The following HABP4 variants were observed in gnomAD, a reference collection of about 807,000 sequenced individuals.
The protein encoded by HABP4 is hyaluronan binding protein 4.
In HABP4, 32 loss-of-function variants were observed where a neutral mutation model predicts 44.1. The ratio of observed to expected loss-of-function variants is 0.73; its 90% CI spans 0.55 to 0.97. The LOEUF (loss-of-function observed/expected upper bound fraction) is 0.97, where lower values mean the gene tolerates loss of function less well. HABP4 is among the 50% of genes least tolerant of loss of function. The pLI is 0.00. For missense variants in HABP4, 503 were observed against 561.9 expected (o/e 0.90, Z 1.06); for synonymous variants, 216 against 218.0 (o/e 0.99, Z 0.08).
At chr9:96,453,799 A>G (rs1832327939) in intron 1 of HABP4, among the ~76,000 whole-genome samples, 1 of 152,238 alleles carries the variant, frequency 6.6e-6, no homozygotes, top group African/African-American at 2.4e-5. Context: ...CAGTGCTTGC[A>G]TTCTCCACTT....
chr9:96,455,312 C>T (rs1222970437), intron 1 of HABP4, among the ~76,000 whole-genome samples: 3 of 149,308 alleles, frequency 2.0e-5, no homozygotes, highest in African/African-American at 7.4e-5. Context: ...ATTACCTGAG[C>T]GTGGTGGCAC....
Position 96,488,197 on chromosome 9 carries a change from G to A in HABP4, c.1108G>A (p.Gly370Arg). 1.2e-6 allele frequency: 2 copies of A among 1,613,586 alleles called. No homozygotes were observed. The highest frequency in any genetic ancestry group is 1.7e-6 in the Non-Finnish European group (2 of 1,179,468). ...NFGNLPRPGR[G>R]ARGGTRGGRG... is the part of the protein sequence containing the mutation. ...TGGTAACCTCCCTCGTCCTGGGCGT[G>A]GAGCCAGAGGAGGCACCCGGGGAGG... The change falls in exon 7 of 8, where the codon GGA becomes AGA. Residue 370 changes from glycine (G) to arginine (R), a missense_variant. This residue lies in a region of HABP4 where 82 missense variants were observed against 71.6 expected (regional missense o/e 1.15). Coordinates refer to ENST00000375249, the MANE Select transcript of HABP4 (RefSeq NM_014282.4). The surrounding 1 kb of genome is among the most constrained non-coding windows in gnomAD (Gnocchi z 4.6).
intron 1 of HABP4, among the ~76,000 whole-genome samples, chr9:96,452,935 T>TA (rs1832311901): frequency 2.0e-5 from 3 of 147,888 alleles, no homozygotes; most frequent in Non-Finnish European, 3.0e-5. Context: ...TTTTTTTTTT[T>TA]TTTGAGACAG....
intron 5 of HABP4, among the ~76,000 whole-genome samples, chr9:96,475,390 C>CAAAAAAAAAAAA (rs61553823): frequency 2.0e-3 from 183 of 93,814 alleles, no homozygotes; most frequent in African/African-American, 3.5e-3. Flanking sequence ...ACAACAACAA[C>CAAAAAAAAAAAA]AAAAAAAAAA....
In HABP4 at chr9:96,450,191, C is replaced by A. The variant is rs952562156; in HGVS notation, c.-89C>A. ...GGTAGGGCCCGGAGGGCGGTGGCGG[C>A]GGAGCGGGCGGCATGGGTCCTGGCC... On this transcript the variant is annotated 5_prime_UTR_variant, in exon 1 of 8. Transcript: ENST00000375249. This position sits in a 1 kb window ranked among gnomAD's most constrained non-coding sequence, Gnocchi z 4.8. 7 of 1,197,336 alleles carry A rather than the reference C, an allele frequency of 5.8e-6. No individual in the cohort carries two copies. In the Admixed American group the frequency reaches 2.7e-4, roughly 47 times the overall value. The allele number at this position is 1,197,336 out of a possible 1,614,324, so 74.2% of individuals were successfully genotyped here. A position where few individuals can be genotyped will look rare whatever the true frequency, so the allele number is the denominator to read the frequency against.
chr9:96,490,156 TA>T lies in HABP4; in HGVS notation c.*121del. 2.8e-6 allele frequency: 2 copies of T among 723,540 alleles called. No individual in the cohort carries two copies. Among genetic ancestry groups the T allele is most frequent in the Admixed American group, 2.1e-5 (1 of 48,714 alleles). 44.8% of individuals were successfully genotyped at this position (723,540 alleles called of 1,614,324 possible). A position where few individuals can be genotyped will look rare whatever the true frequency, so the allele number is the denominator to read the frequency against. On this transcript the variant is annotated 3_prime_UTR_variant, in exon 8 of 8. Transcript: ENST00000375249. ...TAGATGTTGCTTTTCCCGTGTCATGTAAATTTGTTGCACTTTTTTGGGCTGA... is the reference window on the plus strand; with the variant it reads ...TAGATGTTGCTTTTCCCGTGTCATGTAATTTGTTGCACTTTTTTGGGCTGA...
At chr9:96,455,591 C>T (rs1448115783) in intron 1 of HABP4, among the ~76,000 whole-genome samples, 2 of 151,688 alleles carry the variant, frequency 1.3e-5, no homozygotes, top group African/African-American at 4.8e-5. Flanking sequence ...TGGTGAACCC[C>T]CATCTCTATT....
Position 96,486,783 on chromosome 9 carries a change from G to A in HABP4, c.1000-1306G>A, listed in dbSNP as rs1019273713. On this transcript the variant is annotated intron_variant, in intron 6 of 7. Coordinates refer to ENST00000375249, the MANE Select transcript of HABP4 (RefSeq NM_014282.4). ...AAAGTTCAGACCTAGTAACAACCTC[G>A]CGTAAGGCACTGGGCGGTGAAAGCA... Among the ~76,000 whole-genome samples the A allele has an allele frequency of 1.0e-3, 158 of 152,148 alleles. 1 individual carries two copies. The highest frequency in any genetic ancestry group is 3.3e-3 in the African/African-American group (139 of 41,554).
intron 6 of HABP4, 72 bp downstream of exon 6, chr9:96,484,705 C>A (rs1260737506): frequency 4.9e-6 from 4 of 823,840 alleles, no homozygotes; most frequent in South Asian, 1.6e-5. Context: ...TACCTTTCCA[C>A]TTCTGTCTTG....
chr9:96,461,875 TGGC>T (rs1224190995), intron 2 of HABP4, among the ~76,000 whole-genome samples: 1 of 152,146 alleles, frequency 6.6e-6, no homozygotes, highest in East Asian at 1.9e-4. Context: ...GAAATGCTCT[TGGC>T]GGCACAGTGG....
intron 6 of HABP4, among the ~76,000 whole-genome samples, chr9:96,486,017 A>T (rs969574743): frequency 5.9e-5 from 9 of 151,870 alleles, no homozygotes; most frequent in African/African-American, 2.2e-4. Context: ...ACATAGTGAA[A>T]CCCTGTCTCT....
chr9:96,489,500 C>CCTTCT (rs1289908529), intron 7 of HABP4, among the ~76,000 whole-genome samples: 1 of 151,792 alleles, frequency 6.6e-6, no homozygotes, highest in African/African-American at 2.4e-5. Context: ...CCAGGGAGAA[C>CCTTCT]CTTCTCTTCC....
chr9:96,488,080 G>T lies in HABP4; in HGVS notation c.1000-9G>T. 2 of 1,602,642 alleles carry T rather than the reference G, an allele frequency of 1.2e-6. No individual in the cohort carries two copies. The highest frequency in any genetic ancestry group is 8.5e-7 in the Non-Finnish European group (1 of 1,169,968). ...CTTGTGCGTGTTTGATGCTGTAATTGTGTTTCAGATGGTAAAAGATGACTA... is the reference window on the plus strand; with the variant it reads ...CTTGTGCGTGTTTGATGCTGTAATTTTGTTTCAGATGGTAAAAGATGACTA... On this transcript the variant is annotated splice_polypyrimidine_tract_variant and intron_variant, in intron 6 of 7. Coordinates refer to ENST00000375249, the MANE Select transcript of HABP4 (RefSeq NM_014282.4). This position sits in a 1 kb window ranked among gnomAD's most constrained non-coding sequence, Gnocchi z 4.6.
In HABP4 at chr9:96,488,627, G is replaced by C. The variant is rs563399774; in HGVS notation, c.1185+353G>C. Among the ~76,000 whole-genome samples, 8 of 152,302 alleles carry C rather than the reference G, an allele frequency of 5.3e-5. No homozygotes were observed. In the East Asian group the frequency reaches 7.7e-4, roughly 15 times the overall value. ...GCCTTGGGCTCAGGTGATGCTGTCA[G>C]AGTGGACAGAATCCTCCCTAAGATC... is the stretch of plus-strand genomic sequence containing the variant. On this transcript the variant is annotated intron_variant, in intron 7 of 7. Coordinates refer to ENST00000375249, the MANE Select transcript of HABP4 (RefSeq NM_014282.4). The surrounding 1 kb of genome is among the most constrained non-coding windows in gnomAD (Gnocchi z 4.6).
In HABP4 at chr9:96,488,258, C is replaced by T. The variant is rs1833011493; in HGVS notation, c.1169C>T (p.Pro390Leu). 1 of 1,612,348 alleles carries T rather than the reference C, an allele frequency of 6.2e-7. No homozygotes were observed. The highest frequency in any genetic ancestry group is 8.5e-7 in the Non-Finnish European group (1 of 1,179,138). The change falls in exon 7 of 8, where the codon CCC (proline) becomes CTC (leucine). Residue 390 changes from proline to leucine, a missense_variant. Coordinates refer to ENST00000375249, the MANE Select transcript of HABP4 (RefSeq NM_014282.4). This position sits in a 1 kb window ranked among gnomAD's most constrained non-coding sequence, Gnocchi z 4.6. Reference protein sequence around the residue: ...GRIRRAENYGPRAEVVMQDVA... With the variant: ...GRIRRAENYGLRAEVVMQDVA... ...ATCAGGAGGGCAGAGAACTATGGAC[C>T]CAGAGCAGAAGTGGTGGTAGGTGTC... is the stretch of plus-strand genomic sequence containing the variant.
intron 5 of HABP4, among the ~76,000 whole-genome samples, chr9:96,472,091 C>T (rs1487586009): frequency 3.9e-5 from 6 of 152,068 alleles, no homozygotes; most frequent in African/African-American, 1.4e-4. Context: ...GCCTGGCCTC[C>T]AAGTTCTTAA....
At chr9:96,458,297 A>C (rs1367092470) in intron 1 of HABP4, 82 bp from the exon 2 acceptor site, 2 of 1,343,474 alleles carry the variant, frequency 1.5e-6, no homozygotes, top group Non-Finnish European at 2.1e-6. Flanking sequence ...GAAAAATGAA[A>C]TTTACAAGTA....
intron 2 of HABP4, among the ~76,000 whole-genome samples, chr9:96,462,017 G>A (rs1051262471): frequency 2.0e-5 from 3 of 151,686 alleles, no homozygotes; most frequent in Admixed American, 1.3e-4. Context: ...TTAGTGGGGT[G>A]CGCCTGTAAT....
chr9:96,482,682 C>G (rs991660769), intron 5 of HABP4, among the ~76,000 whole-genome samples: 1 of 152,200 alleles, frequency 6.6e-6, no homozygotes, highest in African/African-American at 2.4e-5. Context: ...CCCTGGCCAC[C>G]ACTGACCTGC....
Sources: allele counts gnomAD v4.1 joint callset (sites outside exome capture counted in the v4.1 genomes callset), GRCh38; gene constraint gnomAD v4.1.1; regional missense constraint gnomAD v4.1.1; non-coding constraint Gnocchi (gnomAD v3.1); transcripts MANE v1.5; gene names NCBI Gene and HGNC (gene_info 2026-07-23, HGNC 2026-07-21).